Variants in RNF180 observed in about 807,000 individuals in gnomAD.
RNF180 encodes the protein ring finger protein 180.
Under a neutral mutation model 59.2 loss-of-function variants are expected in RNF180, and 38 were observed. The ratio of observed to expected loss-of-function variants is 0.64; its 90% CI spans 0.50 to 0.84. The LOEUF (loss-of-function observed/expected upper bound fraction) is 0.84, where lower values mean the gene tolerates loss of function less well. RNF180 is among the 40% of genes least tolerant of loss of function. The probability of loss-of-function intolerance (pLI) is 0.00; values close to 1 mark genes in which losing one functional copy is unlikely to be tolerated. For synonymous variants in RNF180, 262 were observed against 240.3 expected, an observed-to-expected ratio of 1.09 and a Z score of -0.84; for missense variants, 705 against 700.9, an observed-to-expected ratio of 1.01 and a Z score of -0.07.
At chr5:64,241,835 G>A (rs538690602) in intron 5 of RNF180, among the ~76,000 whole-genome samples, 1 of 152,214 alleles carries the variant, frequency 6.6e-6, no homozygotes, top group South Asian at 2.1e-4. Context: ...GAGAGATACT[G>A]TTTTCCTGGG....
intron 5 of RNF180, among the ~76,000 whole-genome samples, chr5:64,300,175 G>A (rs1580207124): frequency 6.6e-6 from 1 of 151,526 alleles, no homozygotes; most frequent in Non-Finnish European, 1.5e-5. Flanking sequence ...GAAAATTCTC[G>A]ACCTAATAGG....
chr5:64,177,901 AC>A (rs1225065195), intron 1 of RNF180, among the ~76,000 whole-genome samples: 2 of 152,078 alleles, frequency 1.3e-5, no homozygotes, highest in Non-Finnish European at 2.9e-5. Flanking sequence ...CCACATGGAA[AC>A]TATGTAGAAA....
chr5:64,185,531 T>A (rs1750827108), intron 1 of RNF180, among the ~76,000 whole-genome samples: 1 of 152,212 alleles, frequency 6.6e-6, no homozygotes, highest in Non-Finnish European at 1.5e-5. Flanking sequence ...AATTAGGTTT[T>A]TTTCCCATGT....
chr5:64,322,643 C>T (rs1440778081), intron 5 of RNF180, among the ~76,000 whole-genome samples: 4 of 112,136 alleles, frequency 3.6e-5, no homozygotes, highest in Admixed American at 9.7e-5. Context: ...GTGTGTATAA[C>T]GGAATACCAT....
intron 6 of RNF180, among the ~76,000 whole-genome samples, chr5:64,328,723 C>A (rs1462214320): frequency 1.3e-5 from 2 of 152,048 alleles, no homozygotes; most frequent in Admixed American, 6.5e-5. Flanking sequence ...TCAGTTTTCC[C>A]TTTAAATTTC....
At chr5:64,174,497 A>G (rs1750120758) in intron 1 of RNF180, among the ~76,000 whole-genome samples, 1 of 151,960 alleles carries the variant, frequency 6.6e-6, no homozygotes, top group Non-Finnish European at 1.5e-5. Context: ...GATAACAGCC[A>G]TTCTAATTGG....
rs147969178 is a variant in RNF180, at chr5:64,361,914, T to C, written c.1580-7701T>C. 3.9e-3 allele frequency among the ~76,000 whole-genome samples: 587 copies of C among 151,484 alleles called. 3 individuals carry two copies. The highest frequency in any genetic ancestry group is 0.014 in the African/African-American group (573 of 41,456). On this transcript the variant is annotated intron_variant, in intron 7 of 7. Coordinates refer to ENST00000389100, the MANE Select transcript of RNF180 (RefSeq NM_001113561.2). Reference sequence around the variant, plus strand: ...CATTTTAAATGGGGACAAAAATTGGTATTTGGTGGACAAAAAAAATCTTGG... The same window carrying C: ...CATTTTAAATGGGGACAAAAATTGGCATTTGGTGGACAAAAAAAATCTTGG...
chr5:64,346,135 G>A (rs78094099), intron 7 of RNF180, among the ~76,000 whole-genome samples: 245 of 151,882 alleles, frequency 1.6e-3, no homozygotes, highest in African/African-American at 5.6e-3. Context: ...AAAATTTCAG[G>A]AATTGGGCTT....
intron 7 of RNF180, among the ~76,000 whole-genome samples, chr5:64,365,244 T>C (rs1007237826): frequency 6.6e-6 from 1 of 151,812 alleles, no homozygotes; most frequent in Non-Finnish European, 1.5e-5. Context: ...TCTTGATTTT[T>C]GCCTTAATTT....
chr5:64,312,498 A>C (rs770684995), intron 5 of RNF180, among the ~76,000 whole-genome samples: 9 of 152,122 alleles, frequency 5.9e-5, no homozygotes, highest in Non-Finnish European at 8.8e-5. Flanking sequence ...AAGAGAAAGC[A>C]TCAAACCACA....
intron 1 of RNF180, among the ~76,000 whole-genome samples, chr5:64,186,214 G>A (rs1162676673): frequency 6.6e-6 from 1 of 152,078 alleles, no homozygotes; most frequent in Non-Finnish European, 1.5e-5. Context: ...TGTCTGTGCA[G>A]CCACCTTTCA....
intron 1 of RNF180, among the ~76,000 whole-genome samples, chr5:64,169,971 A>C (rs535408142): frequency 6.6e-6 from 1 of 152,260 alleles, no homozygotes; most frequent in Non-Finnish European, 1.5e-5. Flanking sequence ...TCTTTAATCT[A>C]TGACATAGGT....
intron 5 of RNF180, among the ~76,000 whole-genome samples, chr5:64,250,484 G>T (rs533828560): frequency 5.5e-4 from 83 of 152,038 alleles, no homozygotes; most frequent in Non-Finnish European, 9.7e-4. Context: ...AAATATTGGG[G>T]GTTTTTTTAA....
At chr5:64,177,526 CATATATATATATATATATAT>C (rs58046669) in intron 1 of RNF180, among the ~76,000 whole-genome samples, 14,451 of 105,304 alleles carry the variant, frequency 0.14, 1,141 homozygotes, top group South Asian at 0.25. Flanking sequence ...TAAATTATGC[CATATATATATATATATATAT>C]ATATATATAT....
At chr5:64,357,791 T>A (rs188862440) in intron 7 of RNF180, among the ~76,000 whole-genome samples, 20 of 151,988 alleles carry the variant, frequency 1.3e-4, no homozygotes, top group Admixed American at 1.2e-3. Context: ...TAAATTCGAA[T>A]CATATTCCGT....
At chr5:64,285,235 T>C (rs1742218310) in intron 5 of RNF180, among the ~76,000 whole-genome samples, 1 of 152,124 alleles carries the variant, frequency 6.6e-6, no homozygotes, top group Non-Finnish European at 1.5e-5. Flanking sequence ...CATTATACTT[T>C]GTTTGGGGGT....
intron 5 of RNF180, among the ~76,000 whole-genome samples, chr5:64,249,844 G>A (rs1743448762): frequency 6.6e-6 from 1 of 152,126 alleles, no homozygotes; most frequent in Admixed American, 6.6e-5. Context: ...AACAGATCAA[G>A]TGGGAGAGAT....
intron 1 of RNF180, among the ~76,000 whole-genome samples, chr5:64,185,775 A>T (rs1229896696): frequency 1.3e-5 from 2 of 152,210 alleles, no homozygotes; most frequent in Non-Finnish European, 2.9e-5. Context: ...TATCTCTGGG[A>T]GTTTACAAGT....
chr5:64,288,850 ACTT>A (rs1368596776), intron 5 of RNF180, among the ~76,000 whole-genome samples: 2 of 152,140 alleles, frequency 1.3e-5, no homozygotes, highest in East Asian at 3.8e-4. Flanking sequence ...AGATAATTTG[ACTT>A]CTTCTCTCCC....
Sources: gnomAD v4.1 joint callset for allele counts (sites outside exome capture counted in the v4.1 genomes callset) on GRCh38, gnomAD v4.1.1 for gene constraint, MANE v1.5 for transcripts, NCBI Gene and HGNC (gene_info 2026-07-23, HGNC 2026-07-21) for gene names.